The following GALNTL6 variants were observed in gnomAD, a reference collection of about 807,000 sequenced individuals.
GALNTL6 encodes the protein polypeptide N-acetylgalactosaminyltransferase like 6.
Under a neutral mutation model 73.7 loss-of-function variants are expected in GALNTL6, and 46 were observed. The ratio of observed to expected loss-of-function variants is 0.62; its 90% CI spans 0.49 to 0.80. The LOEUF is 0.80. Ranked by LOEUF, GALNTL6 falls within the 30% of genes least tolerant of loss-of-function variation. The probability of loss-of-function intolerance (pLI) is 0.00; values close to 1 mark genes in which losing one functional copy is unlikely to be tolerated. For synonymous variants in GALNTL6, 259 were observed against 263.7 expected, an observed-to-expected ratio of 0.98 and a Z score of 0.17; for missense variants, 604 against 755.0, an observed-to-expected ratio of 0.80 and a Z score of 2.34.
intron 8 of GALNTL6, among the ~76,000 whole-genome samples, chr4:172,895,395 TA>T: frequency 6.8e-6 from 1 of 147,822 alleles, no homozygotes; most frequent in African/African-American, 2.5e-5. Context: ...TATATATATA[TA>T]TATATATTTT....
intron 2 of GALNTL6, among the ~76,000 whole-genome samples, chr4:172,183,063 A>G (rs1213435285): frequency 6.6e-6 from 1 of 152,214 alleles, no homozygotes; most frequent in Non-Finnish European, 1.5e-5. Flanking sequence ...TAATTCTTTG[A>G]GTCCCATGTT....
At chr4:172,073,476 T>C (rs553976262) in intron 2 of GALNTL6, among the ~76,000 whole-genome samples, 7 of 152,324 alleles carry the variant, frequency 4.6e-5, no homozygotes, top group African/African-American at 1.7e-4. Flanking sequence ...TTTTGGAATA[T>C]GGAAGAGTAG....
chr4:172,101,429 A>G (rs1052482932), intron 2 of GALNTL6, among the ~76,000 whole-genome samples: 5 of 152,088 alleles, frequency 3.3e-5, no homozygotes, highest in Admixed American at 1.3e-4. Context: ...TCTAATTCTC[A>G]CTCAGGAGAT....
At chr4:172,160,057 T>C (rs1412229617) in intron 2 of GALNTL6, among the ~76,000 whole-genome samples, 1 of 152,062 alleles carries the variant, frequency 6.6e-6, no homozygotes, top group East Asian at 1.9e-4. Flanking sequence ...AATGATTTAC[T>C]GGAGGAGGGG....
intron 2 of GALNTL6, among the ~76,000 whole-genome samples, chr4:171,871,179 G>T (rs1268284218): frequency 1.3e-5 from 2 of 151,826 alleles, no homozygotes; most frequent in African/African-American, 4.8e-5. Context: ...ACTCCCAATG[G>T]GTATGCCTGA....
intron 2 of GALNTL6, among the ~76,000 whole-genome samples, chr4:172,102,189 T>C (rs376861889): frequency 1.7e-4 from 26 of 152,334 alleles, no homozygotes; most frequent in East Asian, 1.2e-3. Flanking sequence ...AGTGGAGATT[T>C]ACTAAATTTA....
At chr4:172,218,532 T>TGCTGTAAGAAAAGAGAC (rs1560974868) in intron 2 of GALNTL6, among the ~76,000 whole-genome samples, 1 of 152,090 alleles carries the variant, frequency 6.6e-6, no homozygotes, top group Non-Finnish European at 1.5e-5. Context: ...CTGCAGTTTC[T>TGCTGTAAGAAAAGAGAC]GCTGTAAGAA....
At chr4:173,018,813 C>G (rs574221675) in intron 11 of GALNTL6, among the ~76,000 whole-genome samples, 3 of 152,214 alleles carry the variant, frequency 2.0e-5, no homozygotes, top group Non-Finnish European at 4.4e-5. Context: ...GTGGAAAGAA[C>G]AGCAAAGGCC....
At chr4:171,831,314 T>C (rs996170562) in intron 2 of GALNTL6, among the ~76,000 whole-genome samples, 1 of 152,006 alleles carries the variant, frequency 6.6e-6, no homozygotes, top group African/African-American at 2.4e-5. Flanking sequence ...CTGGAATAGA[T>C]ATGACAAGCT....
At chr4:172,071,705 T>C in intron 2 of GALNTL6, among the ~76,000 whole-genome samples, 1 of 45,160 alleles carries the variant, frequency 2.2e-5, no homozygotes, top group South Asian at 4.9e-4. Flanking sequence ...CAGAGCTTGC[T>C]AGTGCAAGGG....
At chr4:172,086,768 GC>G (rs1732045741) in intron 2 of GALNTL6, among the ~76,000 whole-genome samples, 1 of 152,080 alleles carries the variant, frequency 6.6e-6, no homozygotes, top group Non-Finnish European at 1.5e-5. Context: ...ATAAAAAATA[GC>G]AAGAACAAAT....
At chr4:172,961,589 T>C (rs1040395772) in intron 10 of GALNTL6, among the ~76,000 whole-genome samples, 8 of 152,164 alleles carry the variant, frequency 5.3e-5, no homozygotes, top group African/African-American at 1.9e-4. Context: ...ACCAGAGTTT[T>C]GGGTTCACGG....
chr4:172,984,610 C>T lies in GALNTL6; in HGVS notation c.1372-24568C>T, dbSNP rs371172893. ...TGGAAACAATAGACACTGGGGACTC[C>T]GAAAGGAGGGAGGGGGCGAGGACGG... is the stretch of plus-strand genomic sequence containing the variant. On this transcript the variant is annotated intron_variant, in intron 10 of 12. Transcript: ENST00000506823. 6.7e-4 allele frequency among the ~76,000 whole-genome samples: 102 copies of T among 152,074 alleles called. No individual in the cohort carries two copies. The Middle Eastern group carries it at 0.02, about 30-fold the overall frequency.
At chr4:172,502,662 A>G (rs1412910854) in intron 5 of GALNTL6, among the ~76,000 whole-genome samples, 1 of 152,236 alleles carries the variant, frequency 6.6e-6, no homozygotes, top group Non-Finnish European at 1.5e-5. Context: ...CTTTCCAAAA[A>G]TCAAGTTAGT....
intron 5 of GALNTL6, among the ~76,000 whole-genome samples, chr4:172,555,172 A>G (rs1021325275): frequency 1.3e-5 from 2 of 152,154 alleles, no homozygotes; most frequent in African/African-American, 2.4e-5. Flanking sequence ...GAATTCATCA[A>G]TTTTTAAAAA....
At chr4:172,871,790 G>GTTTTTTA (rs1744957728) in intron 7 of GALNTL6, among the ~76,000 whole-genome samples, 1 of 46,052 alleles carries the variant, frequency 2.2e-5, no homozygotes, top group African/African-American at 7.5e-5. Flanking sequence ...TTTGTTTTTT[G>GTTTTTTA]GGGTTTTTTT....
intron 5 of GALNTL6, among the ~76,000 whole-genome samples, chr4:172,791,307 G>C (rs1372543925): frequency 6.6e-6 from 1 of 152,144 alleles, no homozygotes. Flanking sequence ...AGGAAACAAA[G>C]TTTTAAAATG....
At chr4:171,959,598 C>T (rs558055839) in intron 2 of GALNTL6, among the ~76,000 whole-genome samples, 2 of 152,178 alleles carry the variant, frequency 1.3e-5, no homozygotes, top group African/African-American at 4.8e-5. Flanking sequence ...TGTCTGTGGT[C>T]CCAGCTACTC....
chr4:171,987,909 T>G (rs182140044), intron 2 of GALNTL6, among the ~76,000 whole-genome samples: 3,206 of 152,000 alleles, frequency 0.021, 102 homozygotes, highest in African/African-American at 0.073. Context: ...AATGTGGAAG[T>G]CGGGATTAAA....
Sources: gnomAD v4.1 joint callset for allele counts (sites outside exome capture counted in the v4.1 genomes callset) on GRCh38, gnomAD v4.1.1 for gene constraint, MANE v1.5 for transcripts, NCBI Gene and HGNC (gene_info 2026-07-23, HGNC 2026-07-21) for gene names.